Variants in DHX37 observed in about 807,000 individuals in gnomAD.
DHX37 encodes the protein probable ATP-dependent RNA helicase DHX37.
A neutral mutation model predicts 134.3 loss-of-function variants in DHX37; 52 were observed. That is an observed-to-expected ratio of 0.39 (90% CI 0.31 to 0.49). The LOEUF is 0.49. Among genes scored for constraint, DHX37 ranks in the 20% least tolerant of loss-of-function variants. DHX37 has a pLI of 0.93. For missense variants in DHX37, 1,344 were observed against 1,580.8 expected (o/e 0.85, Z 2.54); for synonymous variants, 634 against 670.7 (o/e 0.95, Z 0.85).
rs910014608 is a variant in DHX37, at chr12:124,960,248, G to A, written c.2157+64C>T. On this transcript the variant is annotated intron_variant, in intron 16 of 26. Coordinates refer to ENST00000308736, the MANE Select transcript of DHX37 (RefSeq NM_032656.4). The stretch of plus-strand genomic sequence containing the variant: ...CAGCAGACCCAGCTCTGGGCTCCCT[G>A]CCTCAGGGAAAGGGAGGTGGTCCAC... 3.2e-6 allele frequency: 5 copies of A among 1,570,126 alleles called. No individual in the cohort carries two copies. The African/African-American group carries it at 6.8e-5, about 21-fold the overall frequency.
chr12:124,957,369 A>C (rs563768578), intron 16 of DHX37, among the ~76,000 whole-genome samples: 11 of 152,206 alleles, frequency 7.2e-5, no homozygotes, highest in Non-Finnish European at 8.8e-5. Flanking sequence ...AGCACTGGCT[A>C]GGCACTGAGG....
intron 20 of DHX37, chr12:124,953,621 G>A (rs1036807933): frequency 2.5e-5 from 13 of 519,188 alleles, no homozygotes; most frequent in African/African-American, 1.2e-4. Flanking sequence ...AGGGGGTATC[G>A]CCAGGGAAAA....
chr12:124,952,535 C>T lies in DHX37; in HGVS notation c.2731G>A (p.Asp911Asn). The T allele has an allele frequency of 2.6e-6, 4 of 1,555,434 alleles. No individual in the cohort carries two copies. Among genetic ancestry groups the T allele is most frequent in the Non-Finnish European group, 3.5e-6 (4 of 1,149,168 alleles). The change falls in exon 21 of 27, where the codon GAT (aspartate) becomes AAT (asparagine). Residue 911 changes from aspartate (D) to asparagine (N), a missense_variant. By Grantham distance (23) the Asp-to-Asn change is conservative. Coordinates refer to ENST00000308736, the MANE Select transcript of DHX37 (RefSeq NM_032656.4). ...TCGGTGGGCGGCTGCATCTTGGGAT[C>T]CACGAAGAGCTCAGCCTCGGGGCAC... ...AVCPEAELFV[D>N]PKMQPPTESQ...
chr12:124,972,566 G>A lies in DHX37; in HGVS notation c.1014C>T (p.Asn338=), dbSNP rs374895284. 1.6e-5 allele frequency: 26 copies of A among 1,614,086 alleles called. No individual in the cohort carries two copies. The highest frequency in any genetic ancestry group is 5.0e-5 in the Admixed American group (3 of 60,002). ...ACTTGATTCTGGTCTCCTCTGTCAC[G>A]TTTCCTTCATACCGGATCTGGTAGG... is the stretch of plus-strand genomic sequence containing the variant. ...VVSYQIRYEG[N]VTEETRIKFM... is the part of the protein sequence containing the mutation. Residue 338 remains asparagine (N), a synonymous_variant, in exon 7 of 27, where the codon AAC becomes AAT. Transcript: ENST00000308736.
rs1318354563 is a variant in DHX37, at chr12:124,971,324, C to A, written c.1169G>T (p.Arg390Leu). ...YTDILIGLLS[R>L]IVTLRAKRNL... is the part of the protein sequence containing the mutation. ...TACCTTAGCCCGGAGAGTCACAATG[C>A]GGGACAGGAGGCCGATGAGGATGTC... Residue 390 changes from arginine (R) to leucine (L), a missense_variant, in exon 8 of 27, where the codon CGC becomes CTC. By Grantham distance (102) the Arg-to-Leu change is moderately radical. Transcript: ENST00000308736. 3.7e-6 allele frequency: 6 copies of A among 1,612,980 alleles called. No homozygotes were observed. Among genetic ancestry groups the A allele is most frequent in the African/African-American group, 2.7e-5 (2 of 75,032 alleles).
chr12:124,986,372 A>C, intron 1 of DHX37, 107 bp from the exon 2 acceptor site: 1 of 1,214,340 alleles, frequency 8.2e-7, no homozygotes. Flanking sequence ...TGCACACAGG[A>C]ACAGGGGGAT....
chr12:124,970,616 G>T (rs1954497658), intron 8 of DHX37, among the ~76,000 whole-genome samples: 1 of 152,120 alleles, frequency 6.6e-6, no homozygotes, highest in Admixed American at 6.5e-5. Flanking sequence ...CCCCGGCTTT[G>T]TCTGTCACTG....
chr12:124,969,033 T>A, intron 8 of DHX37, 65 bp from the exon 9 acceptor site: 1 of 1,515,300 alleles, frequency 6.6e-7, no homozygotes, highest in Non-Finnish European at 9.0e-7. Flanking sequence ...GCCTGGGAAA[T>A]CGGCATGGGG....
chr12:124,952,272 A>G, intron 21 of DHX37, 126 bp downstream of exon 21: 1 of 979,640 alleles, frequency 1.0e-6, no homozygotes, highest in Non-Finnish European at 1.4e-6. Context: ...TGCAAGCCCC[A>G]CTTGTTCCTC....
intron 18 of DHX37, among the ~76,000 whole-genome samples, chr12:124,955,797 T>C (rs1594476504): frequency 6.6e-6 from 1 of 152,364 alleles, no homozygotes; most frequent in East Asian, 1.9e-4. Context: ...AAGTAAGGTT[T>C]TAAGTCAGTT....
intron 7 of DHX37, among the ~76,000 whole-genome samples, 196 bp from the exon 8 acceptor site, chr12:124,971,611 G>A (rs1954525119): frequency 1.3e-5 from 2 of 152,162 alleles, no homozygotes; most frequent in Admixed American, 1.3e-4. Flanking sequence ...GGGTGGGGCC[G>A]TGGGCAGTTG....
chr12:124,968,773 C>T (rs900512136), intron 9 of DHX37, 94 bp downstream of exon 9: 16 of 1,595,908 alleles, frequency 1.0e-5, no homozygotes, highest in Non-Finnish European at 1.2e-5. Context: ...CTGTCAATCC[C>T]CCCTGTGACC....
At chr12:124,956,969 CA>C in intron 17 of DHX37, 59 bp downstream of exon 17, 1 of 1,524,172 alleles carries the variant, frequency 6.6e-7, no homozygotes, top group Non-Finnish European at 8.8e-7. Context: ...TCAGGCCCAG[CA>C]AAAGGGAGAG....
chr12:124,986,508 C>T (rs555906221), intron 1 of DHX37, among the ~76,000 whole-genome samples: 2 of 151,800 alleles, frequency 1.3e-5, no homozygotes, highest in South Asian at 2.1e-4. Context: ...GTCAGGAGTT[C>T]GAGACCAGCC....
chr12:124,964,787 C>T, intron 14 of DHX37, 143 bp downstream of exon 14: 1 of 1,438,970 alleles, frequency 6.9e-7, no homozygotes, highest in Non-Finnish European at 9.3e-7. Flanking sequence ...GTTCCCTATT[C>T]TCCAAAACTA....
chr12:124,972,596 G>A lies in DHX37; in HGVS notation c.984C>T (p.Val328=), dbSNP rs1024285472. 3.7e-6 allele frequency: 6 copies of A among 1,614,104 alleles called. No individual in the cohort carries two copies. The highest frequency in any genetic ancestry group is 1.7e-5 in the Admixed American group (1 of 60,030). The change falls in exon 7 of 27, where the codon GTC becomes GTT. Residue 328 remains valine, a synonymous_variant. Coordinates refer to ENST00000308736, the MANE Select transcript of DHX37 (RefSeq NM_032656.4). ...CTTCATACCGGATCTGGTAGGAGAC[G>A]ACCCTGTATGGGCAGAGTTCGGGTT... is the stretch of plus-strand genomic sequence containing the variant. ...VAKEMNLSQR[V]VSYQIRYEGN...
chr12:124,974,720 A>G (rs887801195), intron 6 of DHX37, among the ~76,000 whole-genome samples: 2 of 151,878 alleles, frequency 1.3e-5, no homozygotes, highest in African/African-American at 2.4e-5. Flanking sequence ...AGCAAGTGCT[A>G]TATCTGCCTG....
chr12:124,978,689 G>T (rs2135964449), intron 4 of DHX37, among the ~76,000 whole-genome samples: 2 of 151,280 alleles, frequency 1.3e-5, no homozygotes, highest in Middle Eastern at 6.8e-3. Flanking sequence ...GACTTGAGAG[G>T]CCAAGGCAGA....
intron 18 of DHX37, 131 bp downstream of exon 18, chr12:124,956,560 C>T (rs1485826657): frequency 3.9e-5 from 45 of 1,154,568 alleles, no homozygotes; most frequent in Non-Finnish European, 3.6e-5. Context: ...ACAATCTCAG[C>T]TCACTGCAAC....
Sources: gnomAD v4.1 joint callset for allele counts (sites outside exome capture counted in the v4.1 genomes callset) on GRCh38, gnomAD v4.1.1 for gene constraint, MANE v1.5 for transcripts, NCBI Gene and HGNC (gene_info 2026-07-23, HGNC 2026-07-21) for gene names.